The following DLGAP1 variants were observed in gnomAD, a reference collection of about 807,000 sequenced individuals.
The protein encoded by DLGAP1 is disks large-associated protein 1.
Under a neutral mutation model 90.8 loss-of-function variants are expected in DLGAP1, and 11 were observed. The ratio of observed to expected loss-of-function variants is 0.12; its 90% confidence interval spans 0.08 to 0.20. DLGAP1 has a LOEUF of 0.20. DLGAP1 is among the 10% of genes least tolerant of loss of function. The pLI is 1.00. For synonymous variants in DLGAP1, 558 were observed against 540.7 expected, an observed-to-expected ratio of 1.03 and a Z score of -0.44; for missense variants, 1,050 against 1,333.8, an observed-to-expected ratio of 0.79 and a Z score of 3.31.
At chr18:3,893,069 C>G (rs1388042843) in intron 3 of DLGAP1, among the ~76,000 whole-genome samples, 1 of 152,008 alleles carries the variant, frequency 6.6e-6, no homozygotes, top group African/African-American at 2.4e-5. Flanking sequence ...TCCCATGCTT[C>G]TGAGTCTCCA....
chr18:3,903,000 C>T (rs2071817060), intron 3 of DLGAP1, among the ~76,000 whole-genome samples: 1 of 152,160 alleles, frequency 6.6e-6, no homozygotes, highest in South Asian at 2.1e-4. Flanking sequence ...TTCTGAGACC[C>T]AGAAGCACTT....
At chr18:4,233,265 T>A (rs1410766113) in intron 1 of DLGAP1, among the ~76,000 whole-genome samples, 1 of 152,188 alleles carries the variant, frequency 6.6e-6, no homozygotes. Context: ...GAAAACAGAT[T>A]GAAGTTTGTT....
At position 4,220,322 on chromosome 18, in the gene DLGAP1, C is replaced by CT. The variant is rs1598648480; in HGVS notation, c.-266-69036_-266-69035insA. Among the ~76,000 whole-genome samples, 20 of 152,142 alleles carry CT rather than the reference C, an allele frequency of 1.3e-4. No individual in the cohort carries two copies. In the East Asian group the frequency reaches 3.9e-3, roughly 29 times the overall value. ...TTTTTCCAGTTTAGATTCTATGGCT[C>CT]ATAATTTCATTAAGACTCTTGCCAA... On this transcript the variant is annotated intron_variant, in intron 1 of 12. Transcript: ENST00000315677.
chr18:3,730,119 T>C (rs961771469), intron 6 of DLGAP1, among the ~76,000 whole-genome samples: 24 of 152,208 alleles, frequency 1.6e-4, no homozygotes, highest in African/African-American at 5.5e-4. Context: ...CTGACTGTTG[T>C]GGCTCGCACC....
chr18:3,919,186 T>C (rs1219054826), intron 3 of DLGAP1, among the ~76,000 whole-genome samples: 1 of 152,228 alleles, frequency 6.6e-6, no homozygotes, highest in African/African-American at 2.4e-5. Flanking sequence ...ATCTCCTTTG[T>C]AGGCACTTGA....
At chr18:4,337,798 G>A (rs942319620) in intron 1 of DLGAP1, among the ~76,000 whole-genome samples, 2 of 152,078 alleles carry the variant, frequency 1.3e-5, no homozygotes, top group Admixed American at 1.3e-4. Context: ...TTTTATACTG[G>A]AGCCATTTTA....
rs994939524 is a variant in DLGAP1 at position 3,574,992 on chromosome 18, C to T, written c.1965+6883G>A. On this transcript the variant is annotated intron_variant, in intron 8 of 12. Coordinates refer to ENST00000315677, the MANE Select transcript of DLGAP1 (RefSeq NM_004746.4). ...ACCACGCCCAGCTAATTTTTTGTAT[C>T]TTTAGTAGAGACGGGGTTTCACCAT... Among the ~76,000 whole-genome samples the T allele has an allele frequency of 5.3e-5, 8 of 151,880 alleles. No homozygotes were observed. The East Asian group carries it at 1.5e-3, about 29-fold the overall frequency.
chr18:3,927,466 A>T (rs1386550201), intron 3 of DLGAP1, among the ~76,000 whole-genome samples: 1 of 152,260 alleles, frequency 6.6e-6, no homozygotes, highest in African/African-American at 2.4e-5. Flanking sequence ...TGTTAAATAT[A>T]ATATATGGCT....
At chr18:3,852,783 C>T (rs2069417056) in intron 4 of DLGAP1, among the ~76,000 whole-genome samples, 1 of 152,060 alleles carries the variant, frequency 6.6e-6, no homozygotes, top group African/African-American at 2.4e-5. Flanking sequence ...AATCTTTAAG[C>T]ACTGAGAGTT....
intron 3 of DLGAP1, among the ~76,000 whole-genome samples, chr18:3,927,319 T>C (rs4426445): frequency 0.63 from 95,357 of 152,158 alleles, 29,901 homozygotes; most frequent in African/African-American, 0.65. Context: ...CTCGCCTAAG[T>C]GCTTTTACTG....
At chr18:3,518,945 T>C (rs1484485926) in intron 10 of DLGAP1, among the ~76,000 whole-genome samples, 2 of 152,222 alleles carry the variant, frequency 1.3e-5, no homozygotes, top group South Asian at 2.1e-4. Flanking sequence ...TCAGGCAGAT[T>C]TTCACAAGTG....
intron 2 of DLGAP1, among the ~76,000 whole-genome samples, chr18:4,041,275 A>G (rs140601835): frequency 1.4e-3 from 214 of 152,316 alleles, no homozygotes; most frequent in African/African-American, 4.8e-3. Context: ...CATCATCATC[A>G]TAGCATGTTA....
Position 3,660,381 on chromosome 18 carries a change from T to A in DLGAP1, c.1591+68754A>T, listed in dbSNP as rs2059644612. Among the ~76,000 whole-genome samples, 1 of 152,240 alleles carries A rather than the reference T, an allele frequency of 6.6e-6. No homozygotes were observed. On this transcript the variant is annotated intron_variant, in intron 7 of 12. Coordinates refer to ENST00000315677, the MANE Select transcript of DLGAP1 (RefSeq NM_004746.4). The surrounding 1 kb of genome is among the most constrained non-coding windows in gnomAD (Gnocchi z 4.2). ...CATTGATTTCACATCTGCGTCCTTG[T>A]TTACCTCTGTCCTCCTCATTAGAAT...
intron 2 of DLGAP1, among the ~76,000 whole-genome samples, chr18:4,136,830 G>A (rs901050469): frequency 2.0e-5 from 3 of 152,138 alleles, no homozygotes; most frequent in Non-Finnish European, 4.4e-5. Flanking sequence ...ATATTCTAGA[G>A]AGTTTCCCCA....
intron 1 of DLGAP1, among the ~76,000 whole-genome samples, chr18:4,380,381 T>G (rs947255002): frequency 2.0e-5 from 3 of 152,190 alleles, no homozygotes; most frequent in African/African-American, 7.2e-5. Flanking sequence ...GCATTTGCCC[T>G]TGACTGCAGA....
Position 3,947,918 on chromosome 18 carries a change from C to T in DLGAP1, c.-73+57198G>A, listed in dbSNP as rs141650530. Among the ~76,000 whole-genome samples the T allele has an allele frequency of 3.3e-5, 5 of 152,286 alleles. No homozygotes were observed. The East Asian group carries it at 9.6e-4, about 29-fold the overall frequency. ...TTAAGATTTGTAATACATCTTGTCT[C>T]TGTTCCAAATAGTGGTGGTGTTGGT... On this transcript the variant is annotated intron_variant, in intron 3 of 12. Transcript: ENST00000315677.
chr18:4,423,834 G>C (rs1270296227), intron 1 of DLGAP1, among the ~76,000 whole-genome samples: 1 of 129,432 alleles, frequency 7.7e-6, no homozygotes, highest in Admixed American at 9.1e-5. Context: ...TAGTTAAGTG[G>C]AAAGTGCCCA....
At chr18:3,931,041 G>C (rs1003646064) in intron 3 of DLGAP1, among the ~76,000 whole-genome samples, 1 of 152,080 alleles carries the variant, frequency 6.6e-6, no homozygotes, top group South Asian at 2.1e-4. Context: ...GTAAGCTCCC[G>C]GCATGGCTTC....
chr18:3,964,747 G>C (rs574933252), intron 3 of DLGAP1, among the ~76,000 whole-genome samples: 15 of 152,300 alleles, frequency 9.8e-5, no homozygotes, highest in African/African-American at 3.4e-4. Flanking sequence ...AGAATACCAG[G>C]TGTGCTTTAA....
Sources: gnomAD v4.1 joint callset for allele counts (sites outside exome capture counted in the v4.1 genomes callset) on GRCh38, gnomAD v4.1.1 for gene constraint, Gnocchi (gnomAD v3.1) non-coding constraint, MANE v1.5 for transcripts, NCBI Gene and HGNC (gene_info 2026-07-23, HGNC 2026-07-21) for gene names.